The following GABBR2 variants were observed in gnomAD, a reference collection of about 807,000 sequenced individuals.
GABBR2 encodes gamma-aminobutyric acid type B receptor subunit 2, also known as G-protein coupled receptor 51.
Under a neutral mutation model 105.6 loss-of-function variants are expected in GABBR2, and 23 were observed. The observed-to-expected ratio is 0.22, with a 90% CI of 0.16 to 0.31. GABBR2 has a LOEUF of 0.31. Among genes scored for constraint, GABBR2 ranks in the 10% least tolerant of loss-of-function variants. The pLI, the probability that GABBR2 is intolerant of heterozygous loss-of-function variation, is 1.00. For missense variants in GABBR2, 734 were observed against 1,245.5 expected, an observed-to-expected ratio of 0.59 and a Z score of 6.18; for synonymous variants, 478 against 499.7, an observed-to-expected ratio of 0.96 and a Z score of 0.58.
At chr9:98,630,348 A>G (rs1829800055) in intron 1 of GABBR2, among the ~76,000 whole-genome samples, 2 of 152,204 alleles carry the variant, frequency 1.3e-5, no homozygotes, top group Admixed American at 1.3e-4. Flanking sequence ...TCACTCAATG[A>G]GAGATGAGGT....
Position 98,362,735 on chromosome 9 carries a change from C to G in GABBR2, c.1873G>C (p.Val625Leu). The G allele has an allele frequency of 6.3e-7, 1 of 1,597,884 alleles. No individual in the cohort carries two copies. ...CTTACCTCCATGCTGTACTTCTCCA[C>G]TGTCCTTCGCAGGGGGTCCACAGCC... is the stretch of plus-strand genomic sequence containing the variant. ...WQAVDPLRRT[V>L]EKYSMEPDPA... The change falls in exon 13 of 19, where the codon GTG becomes CTG. Residue 625 changes from valine (V) to leucine (L), a missense_variant. Physicochemically the swap from Val to Leu is conservative, Grantham distance 32. Around this residue, in one of 7 missense-constraint regions of GABBR2, gnomAD observed 52 missense variants for 81.3 expected, o/e 0.64. Transcript: ENST00000259455.
At chr9:98,678,122 T>C (rs1254266195) in intron 1 of GABBR2, among the ~76,000 whole-genome samples, 1 of 152,236 alleles carries the variant, frequency 6.6e-6, no homozygotes, top group Admixed American at 6.5e-5. Context: ...AAATGGTTAA[T>C]ATTTGTTGAC....
In GABBR2 at chr9:98,290,450, ATCCGAGTGG is replaced by A. The variant is rs2131330998; in HGVS notation, c.*125_*133del. The A allele has an allele frequency of 2.0e-6, 1 of 508,096 alleles. No individual in the cohort carries two copies. The highest frequency in any genetic ancestry group is 3.5e-5 in the East Asian group (1 of 28,514). 31.5% of individuals were successfully genotyped at this position (508,096 alleles called of 1,614,324 possible). On this transcript the variant is annotated 3_prime_UTR_variant, in exon 19 of 19. Coordinates refer to ENST00000259455, the MANE Select transcript of GABBR2 (RefSeq NM_005458.8). ...GCCCCGTCCTGTCCACCTGAGTGCC[ATCCGAGTGG>A]TCCTGAGAGGCCAGCCATGGTGCCC...
intron 8 of GABBR2, 42 bp from the exon 9 acceptor site, chr9:98,394,297 G>A: frequency 6.9e-7 from 1 of 1,441,144 alleles, no homozygotes; most frequent in Non-Finnish European, 9.8e-7. Flanking sequence ...ACTGGGATCT[G>A]GGTTTGTGTC....
chr9:98,587,938 A>G (rs546849591), intron 1 of GABBR2, among the ~76,000 whole-genome samples: 1 of 152,356 alleles, frequency 6.6e-6, no homozygotes, highest in South Asian at 2.1e-4. Context: ...CTCATTTTAT[A>G]AAATTATTTC....
At chr9:98,606,182 A>T (rs1829418471) in intron 1 of GABBR2, among the ~76,000 whole-genome samples, 1 of 152,222 alleles carries the variant, frequency 6.6e-6, no homozygotes, top group Non-Finnish European at 1.5e-5. Context: ...ATTGAGGGAC[A>T]TTTGGGTTGG....
intron 6 of GABBR2, among the ~76,000 whole-genome samples, chr9:98,471,189 T>G (rs1330055626): frequency 6.6e-6 from 1 of 152,166 alleles, no homozygotes; most frequent in African/African-American, 2.4e-5. Flanking sequence ...CTCGTAACTG[T>G]GGGGTAATGT....
At chr9:98,685,993 C>A (rs1373956825) in intron 1 of GABBR2, among the ~76,000 whole-genome samples, 1 of 152,092 alleles carries the variant, frequency 6.6e-6, no homozygotes, top group East Asian at 1.9e-4. Context: ...CTAGCCTTGA[C>A]TAAACTTTAG....
chr9:98,330,485 A>G (rs185756597), intron 13 of GABBR2, among the ~76,000 whole-genome samples: 1 of 152,318 alleles, frequency 6.6e-6, no homozygotes, highest in Non-Finnish European at 1.5e-5. Flanking sequence ...CAAGATGCCA[A>G]TATATTCCCT....
At chr9:98,700,673 T>C (rs548001940) in intron 1 of GABBR2, among the ~76,000 whole-genome samples, 1 of 152,354 alleles carries the variant, frequency 6.6e-6, no homozygotes, top group East Asian at 1.9e-4. Flanking sequence ...CAAGTGTCCA[T>C]GGCATCCATA....
intron 1 of GABBR2, among the ~76,000 whole-genome samples, chr9:98,606,065 G>C (rs1190339644): frequency 1.3e-5 from 2 of 152,134 alleles, no homozygotes; most frequent in African/African-American, 4.8e-5. Context: ...GAGAATGATA[G>C]CTTCCAGCTT....
intron 9 of GABBR2, among the ~76,000 whole-genome samples, chr9:98,389,474 A>G (rs1832140173): frequency 6.6e-6 from 1 of 152,176 alleles, no homozygotes; most frequent in Non-Finnish European, 1.5e-5. Context: ...TGTTGGTTCC[A>G]TGGTGACACA....
chr9:98,348,568 T>C lies in GABBR2; in HGVS notation c.1893+14147A>G, dbSNP rs1831338874. 2.0e-5 allele frequency among the ~76,000 whole-genome samples: 3 copies of C among 152,156 alleles called. No homozygotes were observed. In the South Asian group the frequency reaches 6.2e-4, roughly 32 times the overall value. ...TATTAATTCTTCTAATCCCCGAACA[T>C]GAGATGTTTTTGCATTTCTTTGTGT... is the stretch of plus-strand genomic sequence containing the variant. On this transcript the variant is annotated intron_variant, in intron 13 of 18. Transcript: ENST00000259455.
intron 4 of GABBR2, among the ~76,000 whole-genome samples, chr9:98,490,369 G>A (rs1177648065): frequency 2.0e-5 from 3 of 152,178 alleles, no homozygotes; most frequent in African/African-American, 7.2e-5. Flanking sequence ...GGTTCCTGAT[G>A]GTGGGGGCAG....
At chr9:98,438,523 G>A (rs1825974752) in intron 7 of GABBR2, among the ~76,000 whole-genome samples, 1 of 152,192 alleles carries the variant, frequency 6.6e-6, no homozygotes, top group African/African-American at 2.4e-5. Context: ...ATAAATCTCA[G>A]AAAGACCCTA....
chr9:98,577,631 G>A (rs996687659), intron 2 of GABBR2, among the ~76,000 whole-genome samples: 1 of 152,216 alleles, frequency 6.6e-6, no homozygotes. Flanking sequence ...AGGAGCAGGA[G>A]ATAACACTGG....
At position 98,385,857 on chromosome 9, in the gene GABBR2, TA is replaced by T; in HGVS notation, c.1530-86del. 7 of 1,077,138 alleles carry T rather than the reference TA, an allele frequency of 6.5e-6. No individual in the cohort carries two copies. In the South Asian group the frequency reaches 9.3e-5, roughly 14 times the overall value. 66.7% of individuals were successfully genotyped at this position (1,077,138 alleles called of 1,614,324 possible). Reference sequence around the variant, plus strand: ...AGGTATTTTCTAAACGCCTGCTAGATATATATTGTTGCTCAGGCTAGAGGGG... The same window carrying T: ...AGGTATTTTCTAAACGCCTGCTAGATTATATTGTTGCTCAGGCTAGAGGGG... On this transcript the variant is annotated intron_variant, in intron 10 of 18. Transcript: ENST00000259455.
chr9:98,523,913 A>G (rs1364426177), intron 3 of GABBR2, among the ~76,000 whole-genome samples: 1 of 152,196 alleles, frequency 6.6e-6, no homozygotes, highest in East Asian at 1.9e-4. Context: ...TTTCCCACAG[A>G]ATTTAAGATG....
intron 1 of GABBR2, among the ~76,000 whole-genome samples, chr9:98,647,947 T>C (rs1830048365): frequency 6.7e-6 from 1 of 149,768 alleles, no homozygotes; most frequent in Admixed American, 6.7e-5. Context: ...TCATTATTTG[T>C]TAAGTGTTTG....
Sources: allele counts gnomAD v4.1 joint callset (sites outside exome capture counted in the v4.1 genomes callset), GRCh38; gene constraint gnomAD v4.1.1; regional missense constraint gnomAD v4.1.1; transcripts MANE v1.5; gene names NCBI Gene and HGNC (gene_info 2026-07-23, HGNC 2026-07-21).